The following DMXL1 variants were observed in gnomAD, a reference collection of about 807,000 sequenced individuals.
The protein encoded by DMXL1 is Dmx like 1.
Under a neutral mutation model 319.2 loss-of-function variants are expected in DMXL1, and 99 were observed. The ratio of observed to expected loss-of-function variants is 0.31; its 90% confidence interval spans 0.26 to 0.37. The LOEUF (loss-of-function observed/expected upper bound fraction) is 0.37, where lower values mean the gene tolerates loss of function less well. Among genes scored for constraint, DMXL1 ranks in the 10% least tolerant of loss-of-function variants. The probability of loss-of-function intolerance (pLI) is 1.00; values close to 1 mark genes in which losing one functional copy is unlikely to be tolerated. For synonymous variants in DMXL1, 1,385 were observed against 1,235.2 expected (o/e 1.12, Z -2.54); for missense variants, 3,745 against 3,595.6 (o/e 1.04, Z -1.06).
Position 119,100,770 on chromosome 5 carries a change from CTTTTTTTTTTTTTTTT to C in DMXL1, c.214-1153_214-1138del, listed in dbSNP as rs397999092. 8.0e-5 allele frequency: 5 copies of C among 62,670 alleles called. 1 individual carries two copies. Among genetic ancestry groups the C allele is most frequent in the Non-Finnish European group, 1.1e-4 (4 of 35,456 alleles). 3.9% of individuals were successfully genotyped at this position (62,670 alleles called of 1,614,324 possible). Reference sequence around the variant, plus strand: ...CTCTTTTAATCTTTACATCTGTTTTCTTTTTTTTTTTTTTTTTTTTTTTTTTTGAGACGGAGTCTCA... The same window carrying C: ...CTCTTTTAATCTTTACATCTGTTTTCTTTTTTTTTTTGAGACGGAGTCTCA... On this transcript the variant is annotated intron_variant, in intron 2 of 43. Coordinates refer to ENST00000539542, the MANE Select transcript of DMXL1 (RefSeq NM_001290321.3).
chr5:119,194,365 A>G (rs1779225056), intron 30 of DMXL1, among the ~76,000 whole-genome samples: 1 of 152,230 alleles, frequency 6.6e-6, no homozygotes, highest in Admixed American at 6.5e-5. Context: ...GTAGAACACT[A>G]GTACTATAAG....
intron 24 of DMXL1, 143 bp downstream of exon 24, chr5:119,171,423 T>G (rs1774520348): frequency 7.4e-6 from 6 of 816,152 alleles, no homozygotes; most frequent in Admixed American, 6.2e-5. Flanking sequence ...TCCTTCATAT[T>G]ATGAATTATA....
intron 4 of DMXL1, 87 bp downstream of exon 4, chr5:119,105,345 C>T: frequency 9.2e-7 from 1 of 1,082,680 alleles, no homozygotes; most frequent in Non-Finnish European, 1.4e-6. Context: ...TTCACTTCTG[C>T]TGGGTGTGAG....
intron 2 of DMXL1, among the ~76,000 whole-genome samples, chr5:119,101,666 A>G (rs761843951): frequency 1.2e-4 from 19 of 152,200 alleles, no homozygotes; most frequent in South Asian, 8.3e-4. Flanking sequence ...TCAACCCTCA[A>G]TGCTGTTAGG....
intron 13 of DMXL1, among the ~76,000 whole-genome samples, chr5:119,138,136 A>G (rs532782256): frequency 2.0e-5 from 3 of 152,358 alleles, no homozygotes; most frequent in African/African-American, 7.2e-5. Flanking sequence ...AGGAGAGGGA[A>G]AAAAGGAGCT....
chr5:119,175,113 G>C (rs1775544473), intron 25 of DMXL1, 148 bp from the exon 26 acceptor site: 2 of 528,642 alleles, frequency 3.8e-6, no homozygotes, highest in Admixed American at 6.9e-5. Flanking sequence ...ATAAAAATGA[G>C]TGTTGTAGAA....
intron 13 of DMXL1, among the ~76,000 whole-genome samples, chr5:119,140,181 A>G (rs1409944915): frequency 1.3e-5 from 2 of 152,178 alleles, no homozygotes; most frequent in African/African-American, 2.4e-5. Flanking sequence ...AAAGATCTCA[A>G]ACTAATAACC....
At chr5:119,175,168 A>G (rs1775558271) in intron 25 of DMXL1, 93 bp from the exon 26 acceptor site, 4 of 913,446 alleles carry the variant, frequency 4.4e-6, no homozygotes, top group African/African-American at 1.7e-5. Context: ...AAATTTTTTC[A>G]TTCTTTTAAA....
intron 19 of DMXL1, among the ~76,000 whole-genome samples, chr5:119,156,300 C>T (rs186169842): frequency 2.5e-4 from 38 of 152,324 alleles, no homozygotes; most frequent in African/African-American, 8.7e-4. Context: ...GGTATGTACA[C>T]TCATTTTAGA....
rs781155118 is a variant in DMXL1 at position 119,246,965 on chromosome 5, A to G, written c.8923-30A>G. 4 of 1,523,788 alleles carry G rather than the reference A, an allele frequency of 2.6e-6. No homozygotes were observed. In the Admixed American group the frequency reaches 7.4e-5, roughly 28 times the overall value. 94.4% of individuals were successfully genotyped at this position (1,523,788 alleles called of 1,614,324 possible). A position where few individuals can be genotyped will look rare whatever the true frequency, so the allele number is the denominator to read the frequency against. Reference sequence around the variant, plus strand: ...ATTTCTTAAGGTCATCATCAACCCTAATTTTCCGTTTGTTCTTAATATCTT... The same window carrying G: ...ATTTCTTAAGGTCATCATCAACCCTGATTTTCCGTTTGTTCTTAATATCTT... On this transcript the variant is annotated intron_variant, in intron 43 of 43. Transcript: ENST00000539542.
At position 119,149,566 on chromosome 5, in the gene DMXL1, CAAG is replaced by C; in HGVS notation, c.3742_3744del (p.Glu1248del). The C allele has an allele frequency of 6.2e-7, 1 of 1,613,898 alleles. No homozygotes were observed. Among genetic ancestry groups the C allele is most frequent in the Non-Finnish European group, 8.5e-7 (1 of 1,179,916 alleles). On this transcript the variant is annotated inframe_deletion, in exon 18 of 44. Coordinates refer to ENST00000539542, the MANE Select transcript of DMXL1 (RefSeq NM_001290321.3). Reference sequence around the variant, plus strand: ...TTGCCAATGGCAACCATCTTCTAAACAAGAACCTGTTATAACAGATTCGTACAG... The same window carrying C: ...TTGCCAATGGCAACCATCTTCTAAACAACCTGTTATAACAGATTCGTACAG...
chr5:119,187,010 C>T (rs548509063), intron 28 of DMXL1, among the ~76,000 whole-genome samples: 1 of 151,892 alleles, frequency 6.6e-6, no homozygotes, highest in Non-Finnish European at 1.5e-5. Flanking sequence ...ACCAACATGG[C>T]ACATGTATAC....
chr5:119,110,780 A>G (rs1417178804), intron 5 of DMXL1, among the ~76,000 whole-genome samples: 1 of 152,214 alleles, frequency 6.6e-6, no homozygotes, highest in African/African-American at 2.4e-5. Flanking sequence ...AATGCCACAG[A>G]TGATCAAGCA....
chr5:119,117,812 C>G (rs1194112871), intron 7 of DMXL1, among the ~76,000 whole-genome samples: 1 of 152,186 alleles, frequency 6.6e-6, no homozygotes, highest in Non-Finnish European at 1.5e-5. Flanking sequence ...CCCTTCTGTT[C>G]TGCAACTTCT....
At chr5:119,148,715 G>A (rs759659657) in intron 17 of DMXL1, 24 bp from the exon 18 acceptor site, 4 of 1,583,056 alleles carry the variant, frequency 2.5e-6, no homozygotes, top group African/African-American at 2.7e-5. Context: ...TTGACATTTT[G>A]TTAACGGATT....
chr5:119,135,528 A>T (rs1275208274), intron 13 of DMXL1, among the ~76,000 whole-genome samples: 1 of 152,162 alleles, frequency 6.6e-6, no homozygotes, highest in Non-Finnish European at 1.5e-5. Flanking sequence ...TTGGTATGTG[A>T]TAAGGTTTGG....
intron 1 of DMXL1, among the ~76,000 whole-genome samples, chr5:119,084,048 G>C (rs1325983996): frequency 2.0e-5 from 3 of 152,010 alleles, no homozygotes; most frequent in Non-Finnish European, 1.5e-5. Context: ...TTGTGATGTT[G>C]AACATTTTTT....
At chr5:119,087,497 T>G (rs140822986) in intron 1 of DMXL1, among the ~76,000 whole-genome samples, 173 of 152,348 alleles carry the variant, frequency 1.1e-3, no homozygotes, top group Non-Finnish European at 1.7e-3. Context: ...TCTAGTTTTA[T>G]TCCATTGTAG....
chr5:119,200,252 A>G (rs542363131), intron 32 of DMXL1, among the ~76,000 whole-genome samples: 3 of 152,172 alleles, frequency 2.0e-5, no homozygotes, highest in African/African-American at 7.2e-5. Flanking sequence ...ATTTTTGTGT[A>G]TGTTGCAAGG....
Sources: gnomAD v4.1 joint callset for allele counts (sites outside exome capture counted in the v4.1 genomes callset) on GRCh38, gnomAD v4.1.1 for gene constraint, MANE v1.5 for transcripts, NCBI Gene and HGNC (gene_info 2026-07-23, HGNC 2026-07-21) for gene names.